DLGAP2: variants seen among roughly 807,000 people sequenced by gnomAD.
DLGAP2 encodes the protein DLG associated protein 2.
In DLGAP2, 26 loss-of-function variants were observed where a neutral mutation model predicts 100.3. The observed-to-expected ratio is 0.26, with a 90% CI of 0.19 to 0.36. DLGAP2 has a LOEUF of 0.36. DLGAP2 is among the 10% of genes least tolerant of loss of function. DLGAP2 has a pLI of 1.00. For missense variants in DLGAP2, 1,858 were observed against 1,453.2 expected (o/e 1.28, Z -4.53); for synonymous variants, 886 against 630.1 (o/e 1.41, Z -6.08).
At chr8:1,468,645 C>T (rs1391751135) in intron 3 of DLGAP2, among the ~76,000 whole-genome samples, 1 of 152,218 alleles carries the variant, frequency 6.6e-6, no homozygotes, top group South Asian at 2.1e-4. Flanking sequence ...GGGGCCAGTG[C>T]ATTCCTCGCT....
intron 3 of DLGAP2, among the ~76,000 whole-genome samples, chr8:1,417,875 A>G (rs1796974948): frequency 6.6e-6 from 1 of 152,348 alleles, no homozygotes; most frequent in Non-Finnish European, 1.5e-5. Context: ...AGAGTTCACA[A>G]CACAAAAGTG....
At chr8:1,357,269 G>T (rs547794184) in intron 3 of DLGAP2, among the ~76,000 whole-genome samples, 220 of 152,186 alleles carry the variant, frequency 1.4e-3, no homozygotes, top group African/African-American at 5.2e-3. Flanking sequence ...CGGAGAAGGG[G>T]TGTCCTTCAG....
intron 2 of DLGAP2, among the ~76,000 whole-genome samples, chr8:1,186,603 G>C (rs1466240243): frequency 6.6e-6 from 1 of 152,072 alleles, no homozygotes; most frequent in Non-Finnish European, 1.5e-5. Flanking sequence ...TGGGGGGTGC[G>C]GTGTCTTCTG....
chr8:856,006 C>G (rs1336821762), intron 1 of DLGAP2, among the ~76,000 whole-genome samples: 3 of 152,072 alleles, frequency 2.0e-5, no homozygotes, highest in African/African-American at 7.2e-5. Context: ...AGCGTAGCCT[C>G]TCACCCCTCC....
chr8:1,205,236 C>T (rs1797964802), intron 2 of DLGAP2, among the ~76,000 whole-genome samples: 1 of 152,188 alleles, frequency 6.6e-6, no homozygotes, highest in African/African-American at 2.4e-5. Context: ...CAATGCTCTG[C>T]CTCAGTAAAG....
chr8:916,828 G>A (rs900839098), intron 2 of DLGAP2, among the ~76,000 whole-genome samples: 2 of 152,168 alleles, frequency 1.3e-5, no homozygotes, highest in African/African-American at 2.4e-5. Flanking sequence ...CGTGCATCTT[G>A]GTTTGGGAAT....
intron 6 of DLGAP2, among the ~76,000 whole-genome samples, chr8:1,571,288 G>T: frequency 7.0e-6 from 1 of 142,418 alleles, no homozygotes; most frequent in East Asian, 2.2e-4. Flanking sequence ...GGGATGGAGA[G>T]GAGAGAGGTG....
chr8:1,192,911 G>A (rs1412474928), intron 2 of DLGAP2, among the ~76,000 whole-genome samples: 1 of 151,906 alleles, frequency 6.6e-6, no homozygotes, highest in African/African-American at 2.4e-5. Flanking sequence ...CTATGAGTGA[G>A]AACATGCGGT....
At position 904,200 on chromosome 8, in the gene DLGAP2, G is replaced by A. The variant is rs191437333; in HGVS notation, c.19-3712G>A. Among the ~76,000 whole-genome samples the A allele has an allele frequency of 2.6e-5, 4 of 152,296 alleles. No individual in the cohort carries two copies. The East Asian group carries it at 5.8e-4, about 22-fold the overall frequency. On this transcript the variant is annotated intron_variant, in intron 1 of 14. Transcript: ENST00000637795. ...AGTGTGACCGGGCACCCAGATTTCA[G>A]GTTTTAACTGATTTTCATTAATTAA...
At chr8:1,608,009 C>T (rs1311415054) in intron 6 of DLGAP2, among the ~76,000 whole-genome samples, 18 of 110,874 alleles carry the variant, frequency 1.6e-4, no homozygotes, top group South Asian at 3.9e-4. Flanking sequence ...ACAAAGCAGC[C>T]GGGAAGCTCG....
rs895418343 is a variant in DLGAP2, at chr8:1,225,742, C to G, written c.74-33109C>G. 3.3e-5 allele frequency among the ~76,000 whole-genome samples: 5 copies of G among 152,312 alleles called. No individual in the cohort carries two copies. In the East Asian group the frequency reaches 9.7e-4, roughly 29 times the overall value. On this transcript the variant is annotated intron_variant, in intron 2 of 14. Transcript: ENST00000637795. ...AGCTCTTGGTCCAAGGACAGAACAT[C>G]TCAGTTAGACTGAAGGACTAAGTTC...
intron 2 of DLGAP2, among the ~76,000 whole-genome samples, chr8:1,187,853 A>C (rs1473995531): frequency 3.0e-5 from 2 of 67,028 alleles, no homozygotes; most frequent in Non-Finnish European, 5.2e-5. Flanking sequence ...AATCTCACAC[A>C]CCCGGGACCC....
At chr8:762,601 A>G (rs971128321) in intron 1 of DLGAP2, among the ~76,000 whole-genome samples, 1 of 152,078 alleles carries the variant, frequency 6.6e-6, no homozygotes, top group Non-Finnish European at 1.5e-5. Flanking sequence ...GGGCAGCCCT[A>G]CCACGGCAGC....
intron 3 of DLGAP2, among the ~76,000 whole-genome samples, chr8:1,377,184 G>A (rs1199846965): frequency 6.6e-6 from 1 of 152,244 alleles, no homozygotes; most frequent in Non-Finnish European, 1.5e-5. Context: ...CTCCAGGTCA[G>A]TGGTGTGCAG....
intron 4 of DLGAP2, 147 bp from the exon 5 acceptor site, chr8:1,548,479 A>AG (rs1801625123): frequency 3.5e-6 from 2 of 574,144 alleles, no homozygotes; most frequent in Non-Finnish European, 2.7e-6. Context: ...AAAAAAAAAA[A>AG]AAAAACCCAC....
At chr8:1,440,686 C>T (rs1291844590) in intron 3 of DLGAP2, among the ~76,000 whole-genome samples, 1 of 152,214 alleles carries the variant, frequency 6.6e-6, no homozygotes, top group African/African-American at 2.4e-5. Context: ...GTGAGCCGCC[C>T]TCTGGGTCCT....
intron 3 of DLGAP2, among the ~76,000 whole-genome samples, chr8:1,313,887 A>G (rs1049816381): frequency 6.6e-6 from 1 of 152,140 alleles, no homozygotes; most frequent in African/African-American, 2.4e-5. Flanking sequence ...AAGGGTTCAA[A>G]TCCACCTGAC....
intron 3 of DLGAP2, among the ~76,000 whole-genome samples, chr8:1,425,829 G>C (rs534665029): frequency 6.6e-6 from 1 of 152,240 alleles, no homozygotes; most frequent in Non-Finnish European, 1.5e-5. Context: ...GAGAAACAGA[G>C]ACAGCCAGAA....
At chr8:919,334 G>A (rs765341360) in intron 2 of DLGAP2, among the ~76,000 whole-genome samples, 9 of 152,140 alleles carry the variant, frequency 5.9e-5, no homozygotes, top group Non-Finnish European at 1.2e-4. Context: ...ACATCAGGCC[G>A]CGACGGGCAG....
Sources: gnomAD v4.1 joint callset for allele counts (sites outside exome capture counted in the v4.1 genomes callset) on GRCh38, gnomAD v4.1.1 for gene constraint, MANE v1.5 for transcripts, NCBI Gene and HGNC (gene_info 2026-07-23, HGNC 2026-07-21) for gene names.